RBMS3: variants seen among roughly 807,000 people sequenced by gnomAD.
The protein encoded by RBMS3 is RNA-binding motif, single-stranded-interacting protein 3.
A neutral mutation model predicts 66.8 loss-of-function variants in RBMS3; 27 were observed. The ratio of observed to expected loss-of-function variants is 0.40; its 90% CI spans 0.30 to 0.56. The LOEUF is 0.56. RBMS3 is among the 20% of genes least tolerant of loss of function. The pLI is 0.40. For missense variants in RBMS3, 513 were observed against 549.5 expected (o/e 0.93, Z 0.66); for synonymous variants, 188 against 183.0 (o/e 1.03, Z -0.22).
chr3:29,583,339 C>T (rs2047397938), intron 3 of RBMS3, among the ~76,000 whole-genome samples: 1 of 152,110 alleles, frequency 6.6e-6, no homozygotes, highest in South Asian at 2.1e-4. Context: ...TAAGAGGCTG[C>T]CTGCTGGGTG....
At chr3:29,941,775 C>T (rs1444768435) in intron 11 of RBMS3, among the ~76,000 whole-genome samples, 1 of 151,620 alleles carries the variant, frequency 6.6e-6, no homozygotes, top group Non-Finnish European at 1.5e-5. Flanking sequence ...TGCCAAGGAA[C>T]ATGTACAAAA....
At chr3:29,338,645 T>A (rs992632198) in intron 1 of RBMS3, among the ~76,000 whole-genome samples, 1 of 151,634 alleles carries the variant, frequency 6.6e-6, no homozygotes, top group Non-Finnish European at 1.5e-5. Context: ...TGGTCTAGAT[T>A]ATGCTGTCTA....
rs191292437 is a variant in RBMS3 at position 29,922,417 on chromosome 3, G to A, written c.940-13669G>A. On this transcript the variant is annotated intron_variant, in intron 10 of 14. Transcript: ENST00000383767. ...CAGGAGAATGGCGTGAACCCGGGAA[G>A]CGGAGCTTTCAGTGAGCCGAGATTG... Among the ~76,000 whole-genome samples, 931 of 148,040 alleles carry A rather than the reference G, an allele frequency of 6.3e-3. 12 individuals are homozygous for A. Among genetic ancestry groups the A allele is most frequent in the African/African-American group, 0.022 (893 of 40,216 alleles).
intron 1 of RBMS3, among the ~76,000 whole-genome samples, chr3:29,352,810 TA>T (rs1006976419): frequency 3.9e-5 from 6 of 152,102 alleles, no homozygotes; most frequent in African/African-American, 1.4e-4. Context: ...TCAACTTTTT[TA>T]GCTCCCACAT....
At chr3:29,515,454 G>C (rs1463597245) in intron 3 of RBMS3, among the ~76,000 whole-genome samples, 1 of 152,172 alleles carries the variant, frequency 6.6e-6, no homozygotes, top group Non-Finnish European at 1.5e-5. Context: ...ATAGGCAGAA[G>C]AAATAATATG....
At chr3:29,591,151 C>A (rs2047720977) in intron 4 of RBMS3, among the ~76,000 whole-genome samples, 1 of 152,142 alleles carries the variant, frequency 6.6e-6, no homozygotes, top group Admixed American at 6.6e-5. Flanking sequence ...AATAGTCCAT[C>A]CCCTTGGCTA....
chr3:29,326,161 T>C (rs2125502452), intron 1 of RBMS3, among the ~76,000 whole-genome samples: 1 of 152,284 alleles, frequency 6.6e-6, no homozygotes, highest in South Asian at 2.1e-4. Flanking sequence ...TACAATGCAG[T>C]TTGACTCCTG....
At chr3:29,994,015 T>C (rs569934944) in intron 14 of RBMS3, among the ~76,000 whole-genome samples, 1 of 151,588 alleles carries the variant, frequency 6.6e-6, no homozygotes, top group Non-Finnish European at 1.5e-5. Context: ...TTCCATCTGA[T>C]GTACCGGGTT....
chr3:29,654,140 A>G (rs1349541154), intron 4 of RBMS3, among the ~76,000 whole-genome samples: 1 of 152,166 alleles, frequency 6.6e-6, no homozygotes. Context: ...AGCTGCCTCT[A>G]TAGACAGAAC....
chr3:29,404,926 A>G (rs2039951453), intron 1 of RBMS3, among the ~76,000 whole-genome samples: 2 of 152,158 alleles, frequency 1.3e-5, no homozygotes, highest in South Asian at 2.1e-4. Flanking sequence ...TTAACTGTGG[A>G]AAGATTATAA....
At chr3:29,815,223 G>A (rs2057850364) in intron 6 of RBMS3, among the ~76,000 whole-genome samples, 1 of 152,114 alleles carries the variant, frequency 6.6e-6, no homozygotes. Context: ...GGTCATTTAA[G>A]ATCATTCCTA....
chr3:29,698,511 C>T (rs2052381313), intron 4 of RBMS3: 1 of 984,988 alleles, frequency 1.0e-6, no homozygotes, highest in Non-Finnish European at 1.2e-6. Context: ...TTAAATGTGC[C>T]TATTTTTATG....
intron 12 of RBMS3, among the ~76,000 whole-genome samples, chr3:29,968,201 G>GC (rs143339139): frequency 0.13 from 19,989 of 152,122 alleles, 1,588 homozygotes; most frequent in Middle Eastern, 0.22. Flanking sequence ...CACCCGGCCT[G>GC]CCCCCGTAAC....
intron 14 of RBMS3, among the ~76,000 whole-genome samples, chr3:29,995,077 A>C (rs1466113203): frequency 2.6e-5 from 4 of 152,246 alleles, no homozygotes; most frequent in Non-Finnish European, 5.9e-5. Flanking sequence ...GAAGTGCTTA[A>C]AGGAGCTGAT....
chr3:29,523,013 A>G (rs1179581765), intron 3 of RBMS3, among the ~76,000 whole-genome samples: 1 of 152,242 alleles, frequency 6.6e-6, no homozygotes. Flanking sequence ...AGTGTCATTC[A>G]TATAGTAACC....
chr3:29,825,491 G>T (rs1181270360), intron 6 of RBMS3, among the ~76,000 whole-genome samples: 4 of 152,044 alleles, frequency 2.6e-5, no homozygotes, highest in African/African-American at 4.8e-5. Context: ...TATGGGGGTG[G>T]GTTTTCCCAT....
chr3:29,368,700 A>C (rs574463322), intron 1 of RBMS3, among the ~76,000 whole-genome samples: 42 of 152,270 alleles, frequency 2.8e-4, no homozygotes, highest in African/African-American at 8.9e-4. Context: ...ATAGAGAAAA[A>C]GGAATGCTTA....
chr3:29,541,603 G>C (rs2045763087), intron 3 of RBMS3, among the ~76,000 whole-genome samples: 1 of 152,062 alleles, frequency 6.6e-6, no homozygotes, highest in South Asian at 2.1e-4. Context: ...TCCTAAATTG[G>C]TGTCTGGCTT....
At chr3:29,358,626 T>G (rs1006926709) in intron 1 of RBMS3, among the ~76,000 whole-genome samples, 2 of 152,210 alleles carry the variant, frequency 1.3e-5, no homozygotes, top group Admixed American at 1.3e-4. Context: ...AATCTATAAA[T>G]TACCTTGGGC....
Sources: allele counts gnomAD v4.1 joint callset (sites outside exome capture counted in the v4.1 genomes callset), GRCh38; gene constraint gnomAD v4.1.1; transcripts MANE v1.5; gene names NCBI Gene and HGNC (gene_info 2026-07-23, HGNC 2026-07-21).